The following NKAIN2 variants were observed in gnomAD, a reference collection of about 807,000 sequenced individuals.
NKAIN2 encodes the protein sodium/potassium transporting ATPase interacting 2.
NKAIN2 carries 14 observed loss-of-function variants against 32.6 expected under a neutral mutation model. The observed-to-expected ratio is 0.43, with a 90% CI of 0.28 to 0.67. The LOEUF (loss-of-function observed/expected upper bound fraction) is 0.67, where lower values mean the gene tolerates loss of function less well. Ranked by LOEUF, NKAIN2 falls within the 30% of genes least tolerant of loss-of-function variation. The probability of loss-of-function intolerance (pLI) is 0.17; values close to 1 mark genes in which losing one functional copy is unlikely to be tolerated. For synonymous variants in NKAIN2, 80 were observed against 87.2 expected, an observed-to-expected ratio of 0.92 and a Z score of 0.46; for missense variants, 198 against 258.3, an observed-to-expected ratio of 0.77 and a Z score of 1.60.
chr6:124,796,120 C>T (rs112465418), intron 5 of NKAIN2, among the ~76,000 whole-genome samples: 17 of 152,194 alleles, frequency 1.1e-4, no homozygotes, highest in African/African-American at 3.6e-4. Context: ...GAGCAGAGAT[C>T]CCAAATTAGA....
chr6:124,176,519 A>G (rs1789166008), intron 1 of NKAIN2, among the ~76,000 whole-genome samples: 1 of 152,140 alleles, frequency 6.6e-6, no homozygotes, highest in Non-Finnish European at 1.5e-5. Flanking sequence ...GTTGAATGAC[A>G]GTGGTGAAAA....
intron 1 of NKAIN2, among the ~76,000 whole-genome samples, chr6:123,969,177 A>G (rs945981300): frequency 6.6e-6 from 1 of 152,222 alleles, no homozygotes; most frequent in Non-Finnish European, 1.5e-5. Flanking sequence ...GTTTTTGCTC[A>G]CTTTCCAGTG....
chr6:124,014,598 T>C (rs1780481712), intron 1 of NKAIN2, among the ~76,000 whole-genome samples: 1 of 152,062 alleles, frequency 6.6e-6, no homozygotes. Flanking sequence ...CTTTTCTGTT[T>C]CTGCCTCCCT....
chr6:124,028,813 GTATA>G lies in NKAIN2; in HGVS notation c.54+224561_54+224564del, dbSNP rs992244846. The stretch of plus-strand genomic sequence containing the variant: ...TATACGTGTATATACGTATATATAC[GTATA>G]TGTGTATATATATACATATATATGT... On this transcript the variant is annotated intron_variant, in intron 1 of 6. Transcript: ENST00000368417. Among the ~76,000 whole-genome samples, 684 of 140,114 alleles carry G rather than the reference GTATA, an allele frequency of 4.9e-3. 4 individuals are homozygous for G. The highest frequency in any genetic ancestry group is 0.018 in the African/African-American group (637 of 36,132). 91.9% of individuals were successfully genotyped at this position (140,114 alleles called of 152,430 possible).
intron 1 of NKAIN2, among the ~76,000 whole-genome samples, chr6:124,185,958 A>G (rs924097167): frequency 9.2e-5 from 14 of 151,942 alleles, no homozygotes; most frequent in African/African-American, 2.9e-4. Context: ...TATATAAAGC[A>G]TTTGCTTGTT....
At chr6:123,813,466 C>A (rs1316368494) in intron 1 of NKAIN2, among the ~76,000 whole-genome samples, 1 of 152,094 alleles carries the variant, frequency 6.6e-6, no homozygotes, top group Non-Finnish European at 1.5e-5. Flanking sequence ...TATGTTTACC[C>A]CTAGTTATTG....
chr6:124,359,613 C>T (rs978998912), intron 3 of NKAIN2, among the ~76,000 whole-genome samples: 3 of 152,142 alleles, frequency 2.0e-5, no homozygotes, highest in Non-Finnish European at 4.4e-5. Context: ...GATTTTTGCA[C>T]ATTCATTTTG....
intron 1 of NKAIN2, among the ~76,000 whole-genome samples, chr6:123,834,415 A>G (rs1477070736): frequency 2.0e-5 from 3 of 152,032 alleles, no homozygotes; most frequent in African/African-American, 7.2e-5. Flanking sequence ...TCAGCCTCCC[A>G]ACGTGCTGGG....
At chr6:124,790,562 T>C (rs560075789) in intron 4 of NKAIN2, among the ~76,000 whole-genome samples, 1 of 152,222 alleles carries the variant, frequency 6.6e-6, no homozygotes, top group East Asian at 1.9e-4. Context: ...AGTTTTCCAT[T>C]ATCCAGATAT....
rs561600295 is a variant in NKAIN2, at chr6:123,905,764, A to G, written c.54+101510A>G. On this transcript the variant is annotated intron_variant, in intron 1 of 6. Transcript: ENST00000368417. Reference sequence around the variant, plus strand: ...CTACCAATGGGGATGGAAGTGAACCAGTTTTACCAATAAAATCTTCTAAAT... The same window carrying G: ...CTACCAATGGGGATGGAAGTGAACCGGTTTTACCAATAAAATCTTCTAAAT... Among the ~76,000 whole-genome samples, 9 of 152,312 alleles carry G rather than the reference A, an allele frequency of 5.9e-5. No homozygotes were observed. The South Asian group carries it at 1.7e-3, about 28-fold the overall frequency.
intron 5 of NKAIN2, among the ~76,000 whole-genome samples, chr6:124,810,321 A>G (rs1439427544): frequency 6.6e-6 from 1 of 152,084 alleles, no homozygotes; most frequent in African/African-American, 2.4e-5. Flanking sequence ...TGATGAGTTC[A>G]TGTCCTTTGT....
Position 124,491,168 on chromosome 6 carries a change from T to C in NKAIN2, c.273+135821T>C, listed in dbSNP as rs113253981. On this transcript the variant is annotated intron_variant, in intron 3 of 6. Coordinates refer to ENST00000368417, the MANE Select transcript of NKAIN2 (RefSeq NM_001040214.3). The stretch of plus-strand genomic sequence containing the variant: ...TAAGTGCTAGCACATGTGCCATCTA[T>C]TCATTGTTTTAAATAACATTTAAAG... Among the ~76,000 whole-genome samples the C allele has an allele frequency of 8.4e-3, 1,280 of 152,000 alleles. 20 individuals are homozygous for C. The highest frequency in any genetic ancestry group is 0.029 in the African/African-American group (1,199 of 41,534).
intron 1 of NKAIN2, among the ~76,000 whole-genome samples, chr6:124,022,656 T>A (rs1221120383): frequency 1.3e-5 from 2 of 152,232 alleles, no homozygotes; most frequent in Non-Finnish European, 2.9e-5. Context: ...TTTCTTTCAA[T>A]TACATCAATG....
intron 1 of NKAIN2, among the ~76,000 whole-genome samples, chr6:123,874,600 A>T (rs1034990994): frequency 1.3e-5 from 2 of 152,172 alleles, no homozygotes; most frequent in Non-Finnish European, 2.9e-5. Flanking sequence ...ATACTAATGC[A>T]ATTTTAAAAT....
chr6:124,637,879 A>G (rs1253556740), intron 3 of NKAIN2, among the ~76,000 whole-genome samples: 1 of 152,170 alleles, frequency 6.6e-6, no homozygotes. Context: ...TCAAAATATC[A>G]ATGACATTCT....
chr6:124,218,657 T>C (rs1791615591), intron 1 of NKAIN2, among the ~76,000 whole-genome samples: 1 of 152,226 alleles, frequency 6.6e-6, no homozygotes, highest in African/African-American at 2.4e-5. Flanking sequence ...AGTTTACTCA[T>C]TGTTTTTTAG....
chr6:124,167,753 C>T (rs549335785), intron 1 of NKAIN2, among the ~76,000 whole-genome samples: 133 of 152,096 alleles, frequency 8.7e-4, no homozygotes, highest in African/African-American at 3.2e-3. Flanking sequence ...TGTCAAAGGC[C>T]TTTTCTGCAT....
At chr6:124,786,804 C>T (rs751742096) in intron 4 of NKAIN2, among the ~76,000 whole-genome samples, 18 of 152,174 alleles carry the variant, frequency 1.2e-4, no homozygotes, top group Non-Finnish European at 2.1e-4. Flanking sequence ...CCACAGGTCC[C>T]TTCCATTATT....
At chr6:124,626,098 C>CG (rs1562291880) in intron 3 of NKAIN2, among the ~76,000 whole-genome samples, 2 of 116,060 alleles carry the variant, frequency 1.7e-5, no homozygotes, top group Non-Finnish European at 3.4e-5. Context: ...CCCCACTCCC[C>CG]ACACCCCACA....
Sources: allele counts gnomAD v4.1 joint callset (sites outside exome capture counted in the v4.1 genomes callset), GRCh38; gene constraint gnomAD v4.1.1; transcripts MANE v1.5; gene names NCBI Gene and HGNC (gene_info 2026-07-23, HGNC 2026-07-21).